CBLB: variants seen among roughly 807,000 people sequenced by gnomAD.
CBLB encodes E3 ubiquitin-protein ligase CBL-B.
CBLB carries 31 observed loss-of-function variants against 104.9 expected under a neutral mutation model. The ratio of observed to expected loss-of-function variants is 0.30; its 90% CI spans 0.22 to 0.40. CBLB has a LOEUF of 0.40. Among genes scored for constraint, CBLB ranks in the 10% least tolerant of loss-of-function variants. The probability of loss-of-function intolerance (pLI) is 1.00; values close to 1 mark genes in which losing one functional copy is unlikely to be tolerated. For synonymous variants in CBLB, 440 were observed against 422.6 expected (o/e 1.04, Z -0.51); for missense variants, 1,062 against 1,214.6 (o/e 0.87, Z 1.87).
rs568540232 is a variant in CBLB, at chr3:105,686,217, C to A, written c.2055-751G>T. On this transcript the variant is annotated intron_variant, in intron 13 of 18. Transcript: ENST00000394030. The stretch of plus-strand genomic sequence containing the variant: ...GAGTAAATAAACCAAATAAAACAAA[C>A]CCAAACAAATGGGCAAACATAAACA... Among the ~76,000 whole-genome samples, 7 of 152,182 alleles carry A rather than the reference C, an allele frequency of 4.6e-5. No individual in the cohort carries two copies. The East Asian group carries it at 1.4e-3, about 29-fold the overall frequency.
intron 18 of CBLB, among the ~76,000 whole-genome samples, chr3:105,668,776 C>G (rs1559747594): frequency 6.6e-6 from 1 of 152,118 alleles, no homozygotes; most frequent in Non-Finnish European, 1.5e-5. Context: ...ATTTCTGCAT[C>G]TCCCATGCAT....
In CBLB at chr3:105,702,209, G is replaced by C. The variant is rs917399678; in HGVS notation, c.1844C>G (p.Pro615Arg). 1 of 1,614,086 alleles carries C rather than the reference G, an allele frequency of 6.2e-7. No homozygotes were observed. The highest frequency in any genetic ancestry group is 1.7e-5 in the Admixed American group (1 of 60,018). ...TGAACTCGCTGTGATTCCAGGTTTT[G>C]GAGAGCCCTCCCCTAGGAGTCGACA... ...VGCRLLGEGS[P>R]KPGITASSNV... is the part of the protein sequence containing the mutation. Residue 615 changes from proline (P) to arginine (R), a missense_variant, in exon 12 of 19, where the codon CCA (proline) becomes CGA (arginine). Pro to Arg is a moderately radical substitution (Grantham distance 103). Coordinates refer to ENST00000394030, the MANE Select transcript of CBLB (RefSeq NM_170662.5).
In CBLB at chr3:105,655,981, T is replaced by C; in HGVS notation, c.*2989A>G. On this transcript the variant is annotated 3_prime_UTR_variant, in exon 19 of 19. Transcript: ENST00000394030. ...CCCTTTTAAGTTGCAGTGAGGGTTC[T>C]ATTATGAAGACTATTTGCAATGTGG... The C allele has an allele frequency of 4.4e-6, 1 of 228,524 alleles. No homozygotes were observed. The highest frequency in any genetic ancestry group is 8.7e-6 in the Non-Finnish European group (1 of 115,020). 14.2% of individuals were successfully genotyped at this position (228,524 alleles called of 1,614,324 possible). A position where few individuals can be genotyped will look rare whatever the true frequency, so the allele number is the denominator to read the frequency against.
intron 3 of CBLB, among the ~76,000 whole-genome samples, chr3:105,829,065 T>A (rs951630951): frequency 6.6e-6 from 1 of 151,618 alleles, no homozygotes; most frequent in Non-Finnish European, 1.5e-5. Context: ...AAAAAAAAAA[T>A]TCATTAACAA....
rs187606637 is a variant in CBLB at position 105,747,928 on chromosome 3, A to C, written c.724-1890T>G. ...CTACAGTATTCAGCAACCATTTCTT[A>C]GTACATAATCCAGAGGGCCAGCTTC... On this transcript the variant is annotated intron_variant, in intron 5 of 18. Coordinates refer to ENST00000394030, the MANE Select transcript of CBLB (RefSeq NM_170662.5). Among the ~76,000 whole-genome samples the C allele has an allele frequency of 1.1e-3, 173 of 152,318 alleles. 2 individuals carry two copies. The highest frequency in any genetic ancestry group is 1.8e-3 in the Non-Finnish European group (121 of 68,016).
At chr3:105,685,184 G>C in intron 14 of CBLB, 136 bp downstream of exon 14, 1 of 775,968 alleles carries the variant, frequency 1.3e-6, no homozygotes, top group Non-Finnish European at 2.2e-6. Context: ...GCTGGAAATG[G>C]TATAATAGGA....
Position 105,657,934 on chromosome 3 carries a change from G to C in CBLB, c.*1036C>G, listed in dbSNP as rs2063454825. ...TGGTTCCCACAGCTCTTAGGAGATA[G>C]AGTGTAATCACTTAAATGGGAAATG... On this transcript the variant is annotated 3_prime_UTR_variant, in exon 19 of 19. Coordinates refer to ENST00000394030, the MANE Select transcript of CBLB (RefSeq NM_170662.5). The C allele has an allele frequency of 9.4e-6, 2 of 211,848 alleles. No homozygotes were observed. The highest frequency in any genetic ancestry group is 4.5e-5 in the African/African-American group (2 of 44,232). 13.1% of individuals were successfully genotyped at this position (211,848 alleles called of 1,614,324 possible). A position where few individuals can be genotyped will look rare whatever the true frequency, so the allele number is the denominator to read the frequency against.
intron 10 of CBLB, among the ~76,000 whole-genome samples, chr3:105,707,591 T>C (rs992654795): frequency 1.3e-5 from 2 of 152,160 alleles, no homozygotes; most frequent in Non-Finnish European, 2.9e-5. Flanking sequence ...CTTTCATTGC[T>C]GGTAAAATTC....
intron 9 of CBLB, among the ~76,000 whole-genome samples, chr3:105,731,116 C>T (rs2074265906): frequency 1.3e-5 from 2 of 152,020 alleles, no homozygotes; most frequent in African/African-American, 4.8e-5. Flanking sequence ...GGAACTACAC[C>T]AATTTGGAGA....
intron 13 of CBLB, among the ~76,000 whole-genome samples, chr3:105,691,774 T>C (rs1329824398): frequency 1.3e-4 from 20 of 152,192 alleles, no homozygotes; most frequent in Admixed American, 1.3e-3. Flanking sequence ...AAGTTCCCAC[T>C]GGAGAATGAT....
intron 3 of CBLB, among the ~76,000 whole-genome samples, chr3:105,838,408 T>C (rs2088960496): frequency 6.6e-6 from 1 of 151,882 alleles, no homozygotes; most frequent in Non-Finnish European, 1.5e-5. Context: ...AAAAGACACA[T>C]TTTAGCTAGA....
At chr3:105,780,130 G>A (rs1417747616) in intron 3 of CBLB, among the ~76,000 whole-genome samples, 1 of 151,488 alleles carries the variant, frequency 6.6e-6, no homozygotes, top group African/African-American at 2.4e-5. Context: ...TGGGGTTACA[G>A]GCATGAGACA....
intron 3 of CBLB, among the ~76,000 whole-genome samples, chr3:105,780,012 C>G (rs1213969929): frequency 6.6e-6 from 1 of 151,954 alleles, no homozygotes; most frequent in African/African-American, 2.4e-5. Context: ...CACCACCATG[C>G]CCGTCTAACT....
intron 3 of CBLB, among the ~76,000 whole-genome samples, chr3:105,806,362 G>A (rs1430794110): frequency 6.7e-6 from 1 of 150,224 alleles, no homozygotes; most frequent in African/African-American, 2.5e-5. Context: ...TCTGGACGAG[G>A]AATACAATCC....
chr3:105,769,663 T>C (rs1173115751), intron 4 of CBLB, among the ~76,000 whole-genome samples: 2 of 152,162 alleles, frequency 1.3e-5, no homozygotes, highest in African/African-American at 4.8e-5. Flanking sequence ...CATTGGGAAA[T>C]ATGAACAGTA....
intron 9 of CBLB, among the ~76,000 whole-genome samples, chr3:105,722,198 C>A (rs1454846713): frequency 1.3e-3 from 111 of 84,392 alleles, no homozygotes; most frequent in African/African-American, 1.9e-3. Context: ...GACCCCGTGC[C>A]AAAAAAAAAA....
intron 10 of CBLB, among the ~76,000 whole-genome samples, chr3:105,715,924 AGCTACTCGG>A (rs1268669447): frequency 6.6e-6 from 1 of 152,168 alleles, no homozygotes; most frequent in Non-Finnish European, 1.5e-5. Context: ...CTGCAATCCC[AGCTACTCGG>A]GAGGCTGAGA....
intron 3 of CBLB, among the ~76,000 whole-genome samples, chr3:105,789,031 T>C (rs2081341407): frequency 1.3e-5 from 2 of 152,068 alleles, no homozygotes; most frequent in Non-Finnish European, 2.9e-5. Flanking sequence ...CAACCAACAT[T>C]ATATGAAGCA....
At chr3:105,741,456 C>A (rs751987277) in intron 6 of CBLB, among the ~76,000 whole-genome samples, 4 of 152,022 alleles carry the variant, frequency 2.6e-5, no homozygotes, top group African/African-American at 9.7e-5. Flanking sequence ...AGTGCAGTGG[C>A]GCAATCACGG....
Sources: allele counts gnomAD v4.1 joint callset (sites outside exome capture counted in the v4.1 genomes callset), GRCh38; gene constraint gnomAD v4.1.1; transcripts MANE v1.5; gene names NCBI Gene and HGNC (gene_info 2026-07-23, HGNC 2026-07-21).